The following PTPRK variants were observed in gnomAD, a reference collection of about 807,000 sequenced individuals.
PTPRK encodes the protein protein tyrosine phosphatase receptor type K.
In PTPRK, 75 loss-of-function variants were observed where a neutral mutation model predicts 178.0. That is an observed-to-expected ratio of 0.42 (90% CI 0.35 to 0.51). The LOEUF (loss-of-function observed/expected upper bound fraction) is 0.51, where lower values mean the gene tolerates loss of function less well. Among genes scored for constraint, PTPRK ranks in the 20% least tolerant of loss-of-function variants. The pLI is 0.02. For missense variants in PTPRK, 1,441 were observed against 1,797.8 expected (o/e 0.80, Z 3.59); for synonymous variants, 637 against 620.6 (o/e 1.03, Z -0.39).
chr6:128,319,058 C>G (rs186359791), intron 3 of PTPRK, among the ~76,000 whole-genome samples: 4 of 152,110 alleles, frequency 2.6e-5, no homozygotes, highest in Non-Finnish European at 5.9e-5. Context: ...TAGTGGATCA[C>G]TGTAATGATA....
At chr6:128,510,897 A>G (rs1857081703) in intron 1 of PTPRK, among the ~76,000 whole-genome samples, 1 of 152,002 alleles carries the variant, frequency 6.6e-6, no homozygotes, top group South Asian at 2.1e-4. Flanking sequence ...TGATACATAT[A>G]TAGTAAGAAC....
At chr6:127,972,417 C>T (rs55743914) in intron 29 of PTPRK, among the ~76,000 whole-genome samples, 27,895 of 152,102 alleles carry the variant, frequency 0.18, 2,911 homozygotes, top group Non-Finnish European at 0.23. Flanking sequence ...CTGCATACAG[C>T]TTCACCTAGA....
In PTPRK at chr6:127,969,379, C is replaced by T. The variant is rs954947209; in HGVS notation, c.*848G>A. On this transcript the variant is annotated 3_prime_UTR_variant, in exon 30 of 30. Coordinates refer to ENST00000368226, the MANE Select transcript of PTPRK (RefSeq NM_002844.4). ...AAGACCCAATTGCCAAGGGATTTTA[C>T]ACAAATTTAATTCACAAGCATGTAC... The T allele has an allele frequency of 6.6e-6, 1 of 152,110 alleles. No homozygotes were observed. The highest frequency in any genetic ancestry group is 2.4e-5 in the African/African-American group (1 of 41,428). 9.4% of individuals were successfully genotyped at this position (152,110 alleles called of 1,614,324 possible).
At chr6:128,478,804 C>T (rs1485017069) in intron 1 of PTPRK, among the ~76,000 whole-genome samples, 1 of 152,042 alleles carries the variant, frequency 6.6e-6, no homozygotes, top group Non-Finnish European at 1.5e-5. Flanking sequence ...AATAAAGAAG[C>T]ATCTCCAGTT....
At chr6:128,503,848 G>T (rs1433198858) in intron 1 of PTPRK, among the ~76,000 whole-genome samples, 1 of 91,882 alleles carries the variant, frequency 1.1e-5, no homozygotes, top group Non-Finnish European at 2.4e-5. Flanking sequence ...ATTATTGTGT[G>T]TGTGTGTGTG....
intron 1 of PTPRK, among the ~76,000 whole-genome samples, chr6:128,407,633 CAAAA>C (rs56189580): frequency 0.058 from 5,635 of 97,544 alleles, 116 homozygotes; most frequent in Non-Finnish European, 0.068. Context: ...AAGACCCTAT[CAAAA>C]AAAAAAAAAA....
intron 1 of PTPRK, among the ~76,000 whole-genome samples, chr6:128,436,678 G>A (rs1410036105): frequency 6.6e-6 from 1 of 151,990 alleles, no homozygotes; most frequent in Non-Finnish European, 1.5e-5. Context: ...GGAAACAAAG[G>A]CACAGAGTAC....
chr6:128,435,991 A>G (rs1339181594), intron 1 of PTPRK, among the ~76,000 whole-genome samples: 1 of 32,042 alleles, frequency 3.1e-5, no homozygotes, highest in South Asian at 1.1e-3. Context: ...GAGAAAGAGG[A>G]AAAAAAAAAT....
At chr6:128,430,306 T>C (rs781324533) in intron 1 of PTPRK, among the ~76,000 whole-genome samples, 5 of 152,190 alleles carry the variant, frequency 3.3e-5, no homozygotes, top group Non-Finnish European at 7.4e-5. Flanking sequence ...AGAAATAATG[T>C]CTCCTTTCTC....
intron 7 of PTPRK, among the ~76,000 whole-genome samples, chr6:128,170,585 G>A (rs1800089120): frequency 6.6e-6 from 1 of 151,902 alleles, no homozygotes; most frequent in Non-Finnish European, 1.5e-5. Flanking sequence ...CTCTTTCTTA[G>A]GAGTGCCACC....
At chr6:128,374,038 C>T (rs1157268925) in intron 2 of PTPRK, among the ~76,000 whole-genome samples, 1 of 152,040 alleles carries the variant, frequency 6.6e-6, no homozygotes, top group African/African-American at 2.4e-5. Context: ...AATCTCACAC[C>T]TTGTTTGTTA....
intron 1 of PTPRK, chr6:128,491,653 C>A: frequency 2.3e-6 from 1 of 438,484 alleles, no homozygotes; most frequent in Non-Finnish European, 4.6e-6. Flanking sequence ...CAGGCTCAGG[C>A]ACTCATGTGA....
intron 13 of PTPRK, among the ~76,000 whole-genome samples, chr6:128,059,546 G>A (rs927727811): frequency 6.6e-6 from 1 of 151,578 alleles, no homozygotes; most frequent in African/African-American, 2.4e-5. Context: ...TGTTTTTCCA[G>A]TCTCTTCTAA....
At chr6:128,166,938 G>T (rs116674893) in intron 7 of PTPRK, among the ~76,000 whole-genome samples, 2 of 151,592 alleles carry the variant, frequency 1.3e-5, no homozygotes, top group South Asian at 4.1e-4. Context: ...TTGATATTAC[G>T]TTTTCTGTTT....
chr6:128,445,615 C>T (rs921209949), intron 1 of PTPRK, among the ~76,000 whole-genome samples: 2 of 151,824 alleles, frequency 1.3e-5, no homozygotes, highest in Admixed American at 6.6e-5. Flanking sequence ...ATACATTTTT[C>T]TTCCTAATAT....
chr6:128,219,325 T>C (rs989170425), intron 5 of PTPRK, among the ~76,000 whole-genome samples: 2 of 152,162 alleles, frequency 1.3e-5, no homozygotes, highest in South Asian at 2.1e-4. Context: ...AATTTTTCTA[T>C]GGAACAATGA....
intron 1 of PTPRK, among the ~76,000 whole-genome samples, chr6:128,492,190 T>G (rs1853902227): frequency 6.6e-6 from 1 of 152,134 alleles, no homozygotes; most frequent in South Asian, 2.1e-4. Context: ...TCTGGGCCCT[T>G]CACATGCTGC....
At chr6:128,425,281 G>T (rs994171919) in intron 1 of PTPRK, among the ~76,000 whole-genome samples, 1 of 151,972 alleles carries the variant, frequency 6.6e-6, no homozygotes, top group Non-Finnish European at 1.5e-5. Flanking sequence ...GTTTCACCAT[G>T]TTAGCCAGGA....
At chr6:128,357,807 T>G (rs2128340557) in intron 2 of PTPRK, among the ~76,000 whole-genome samples, 1 of 152,384 alleles carries the variant, frequency 6.6e-6, no homozygotes, top group South Asian at 2.1e-4. Context: ...AACTATTTAT[T>G]TATAAAATCT....
Sources: allele counts gnomAD v4.1 joint callset (sites outside exome capture counted in the v4.1 genomes callset), GRCh38; gene constraint gnomAD v4.1.1; transcripts MANE v1.5; gene names NCBI Gene and HGNC (gene_info 2026-07-23, HGNC 2026-07-21).